KHDRBS2: variants seen among roughly 807,000 people sequenced by gnomAD.
The protein encoded by KHDRBS2 is KH RNA binding domain containing, signal transduction associated 2.
KHDRBS2 carries 26 observed loss-of-function variants against 44.3 expected under a neutral mutation model. The observed-to-expected ratio is 0.59, with a 90% CI of 0.43 to 0.81. The LOEUF is 0.81. KHDRBS2 is among the 40% of genes least tolerant of loss of function. KHDRBS2 has a pLI of 0.00. For missense variants in KHDRBS2, 476 were observed against 433.1 expected (o/e 1.10, Z -0.88); for synonymous variants, 194 against 151.1 (o/e 1.28, Z -2.08).
the KHDRBS2 span, among the ~76,000 whole-genome samples, chr6:61,588,155 G>A: frequency 6.6e-6 from 1 of 152,102 alleles, no homozygotes; most frequent in Non-Finnish European, 1.5e-5. Context: ...CATTTATTAG[G>A]GTTTTTAATG....
At chr6:61,588,187 T>TTATC in the KHDRBS2 span, among the ~76,000 whole-genome samples, 2 of 152,184 alleles carry the variant, frequency 1.3e-5, no homozygotes, top group African/African-American at 4.8e-5. Flanking sequence ...TTATGATTCA[T>TTATC]GTAACTACTG....
chr6:61,726,976 G>T (rs1283504041), intron 7 of KHDRBS2, among the ~76,000 whole-genome samples: 1 of 152,096 alleles, frequency 6.6e-6, no homozygotes, highest in Non-Finnish European at 1.5e-5. Flanking sequence ...AGAATCCTAA[G>T]CAAAGAGAAC....
chr6:62,183,400 A>G (rs1822759631), intron 1 of KHDRBS2, among the ~76,000 whole-genome samples: 1 of 151,736 alleles, frequency 6.6e-6, no homozygotes, highest in African/African-American at 2.4e-5. Flanking sequence ...AGAGCTATAT[A>G]GAACTAAATA....
At chr6:62,187,684 A>T (rs1259900781) in intron 1 of KHDRBS2, among the ~76,000 whole-genome samples, 2 of 151,940 alleles carry the variant, frequency 1.3e-5, no homozygotes, top group Non-Finnish European at 2.9e-5. Flanking sequence ...TGTGTGTGCT[A>T]TGGTTTGGTT....
intron 6 of KHDRBS2, among the ~76,000 whole-genome samples, chr6:61,744,796 C>T (rs1284570393): frequency 1.3e-5 from 2 of 152,046 alleles, no homozygotes; most frequent in East Asian, 3.9e-4. Flanking sequence ...AGCCAGTAAT[C>T]TTTTCTTATT....
chr6:62,185,703 C>T (rs185169727), intron 1 of KHDRBS2, among the ~76,000 whole-genome samples: 1 of 151,914 alleles, frequency 6.6e-6, no homozygotes, highest in Non-Finnish European at 1.5e-5. Flanking sequence ...TTAATCACTA[C>T]TCATTTATTT....
In KHDRBS2 at chr6:62,088,173, CA is replaced by C. The variant is rs1161823330; in HGVS notation, c.220-40180del. The stretch of plus-strand genomic sequence containing the variant: ...TTGCTTGGAGGAATTTGTTATTAGC[CA>C]CCTTCTGAAGTCTACTACTGTCAAT... On this transcript the variant is annotated intron_variant, in intron 2 of 8. Transcript: ENST00000281156. Among the ~76,000 whole-genome samples, 4 of 152,236 alleles carry C rather than the reference CA, an allele frequency of 2.6e-5. No homozygotes were observed. In the South Asian group the frequency reaches 8.3e-4, roughly 32 times the overall value.
chr6:62,001,616 TA>T (rs1400115855), intron 3 of KHDRBS2, among the ~76,000 whole-genome samples: 1 of 152,116 alleles, frequency 6.6e-6, no homozygotes, highest in Non-Finnish European at 1.5e-5. Context: ...TAACAGCTGG[TA>T]AATATATTCA....
chr6:61,928,810 C>T (rs1266984929), intron 4 of KHDRBS2, among the ~76,000 whole-genome samples: 3 of 151,942 alleles, frequency 2.0e-5, no homozygotes, highest in Non-Finnish European at 4.4e-5. Flanking sequence ...TGATATATCC[C>T]ATATTTATGG....
At chr6:61,626,304 A>T in the KHDRBS2 span, among the ~76,000 whole-genome samples, 1 of 152,224 alleles carries the variant, frequency 6.6e-6, no homozygotes, top group Non-Finnish European at 1.5e-5. Flanking sequence ...AGGTAGATAC[A>T]TGTGAGTATT....
At chr6:62,272,186 TA>T (rs1484512197) in intron 1 of KHDRBS2, among the ~76,000 whole-genome samples, 2 of 152,206 alleles carry the variant, frequency 1.3e-5, no homozygotes, top group Non-Finnish European at 2.9e-5. Context: ...CTTTGTAGCC[TA>T]GGAACAATAG....
chr6:61,973,302 T>G (rs1298954044), intron 4 of KHDRBS2, among the ~76,000 whole-genome samples: 1 of 152,210 alleles, frequency 6.6e-6, no homozygotes, highest in Non-Finnish European at 1.5e-5. Flanking sequence ...GCTTCCCTTT[T>G]CTATTTTTCC....
chr6:62,090,033 T>C (rs1413523105), intron 2 of KHDRBS2, among the ~76,000 whole-genome samples: 1 of 152,084 alleles, frequency 6.6e-6, no homozygotes, highest in Non-Finnish European at 1.5e-5. Context: ...ATAAAACTGC[T>C]CAAGGTAGAA....
intron 6 of KHDRBS2, among the ~76,000 whole-genome samples, chr6:61,815,752 T>G (rs546868944): frequency 1.6e-4 from 24 of 152,342 alleles, no homozygotes; most frequent in African/African-American, 5.8e-4. Flanking sequence ...CAAATGATCC[T>G]GGACACTGCT....
the KHDRBS2 span, among the ~76,000 whole-genome samples, chr6:61,667,629 A>T: frequency 1.8e-4 from 27 of 151,282 alleles, no homozygotes; most frequent in African/African-American, 6.3e-4. Context: ...TCATCTTTAA[A>T]CCAAGATACT....
chr6:61,948,841 A>G (rs1764157121), intron 4 of KHDRBS2, among the ~76,000 whole-genome samples: 1 of 151,844 alleles, frequency 6.6e-6, no homozygotes, highest in Non-Finnish European at 1.5e-5. Flanking sequence ...ACCCTTACAA[A>G]TCAGTGGCTT....
At chr6:62,186,130 T>C (rs1372229766) in intron 1 of KHDRBS2, among the ~76,000 whole-genome samples, 1 of 152,104 alleles carries the variant, frequency 6.6e-6, no homozygotes, top group African/African-American at 2.4e-5. Flanking sequence ...CAAGTGATGA[T>C]GACAGTTATT....
intron 6 of KHDRBS2, among the ~76,000 whole-genome samples, chr6:61,788,435 G>T (rs1784149174): frequency 6.6e-6 from 1 of 151,296 alleles, no homozygotes; most frequent in Non-Finnish European, 1.5e-5. Flanking sequence ...TTCTAATGTT[G>T]CTTTATTTTA....
At chr6:61,917,946 T>C (rs1340191543) in intron 4 of KHDRBS2, among the ~76,000 whole-genome samples, 1 of 152,000 alleles carries the variant, frequency 6.6e-6, no homozygotes, top group Non-Finnish European at 1.5e-5. Context: ...CTCCCTCCTC[T>C]TTAGGGATAG....
Sources: gnomAD v4.1 joint callset for allele counts (sites outside exome capture counted in the v4.1 genomes callset) on GRCh38, gnomAD v4.1.1 for gene constraint, MANE v1.5 for transcripts, NCBI Gene and HGNC (gene_info 2026-07-23, HGNC 2026-07-21) for gene names.